AMPD3: variants seen among roughly 807,000 people sequenced by gnomAD.
AMPD3 encodes the protein AMP deaminase 3.
In AMPD3, 57 loss-of-function variants were observed where a neutral mutation model predicts 82.3. The observed-to-expected ratio is 0.69, with a 90% CI of 0.56 to 0.86. The LOEUF (loss-of-function observed/expected upper bound fraction) is 0.86, where lower values mean the gene tolerates loss of function less well. Ranked by LOEUF, AMPD3 falls within the 40% of genes least tolerant of loss-of-function variation. The pLI is 0.00. For missense variants in AMPD3, 870 were observed against 1,003.8 expected, an observed-to-expected ratio of 0.87 and a Z score of 1.80; for synonymous variants, 381 against 394.7, an observed-to-expected ratio of 0.97 and a Z score of 0.41.
At chr11:10,486,966 A>G in intron 5 of AMPD3, 2 of 985,394 alleles carry the variant, frequency 2.0e-6, no homozygotes, top group East Asian at 1.1e-4. Context: ...TTAATTCCCT[A>G]AACACATAAA....
intron 11 of AMPD3, chr11:10,501,012 C>T: frequency 1.0e-6 from 1 of 985,406 alleles, no homozygotes; most frequent in African/African-American, 1.7e-5. Context: ...CAGTCCTGGG[C>T]TGAGCTTTTG....
At chr11:10,488,477 AGAGAGT>A in intron 6 of AMPD3, 3 of 878,702 alleles carry the variant, frequency 3.4e-6, no homozygotes, top group Non-Finnish European at 3.9e-6. Flanking sequence ...GAGAGAGTCG[AGAGAGT>A]CAGAACAGTG....
Position 10,461,583 on chromosome 11 carries a change from G to C in AMPD3, c.64G>C (p.Glu22Gln), listed in dbSNP as rs1467164791. 1 of 1,614,128 alleles carries C rather than the reference G, an allele frequency of 6.2e-7. No individual in the cohort carries two copies. Reference sequence around the variant, plus strand: ...GGATGAGCAAGTCCGGCTCCTGGCGGAGAAGGTGTTTGCTAAAGTGCTCCG... The same window carrying C: ...GGATGAGCAAGTCCGGCTCCTGGCGCAGAAGGTGTTTGCTAAAGTGCTCCG... Reference protein sequence around the residue: ...EVDEQVRLLAEKVFAKVLREE... With the variant: ...EVDEQVRLLAQKVFAKVLREE... Residue 22 changes from glutamate (E) to glutamine (Q), a missense_variant, in exon 2 of 15, where the codon GAG becomes CAG. Transcript: ENST00000396553.
chr11:10,498,605 G>A (rs1849489115), intron 10 of AMPD3, among the ~76,000 whole-genome samples: 1 of 152,202 alleles, frequency 6.6e-6, no homozygotes. Flanking sequence ...TCATAGCAGG[G>A]ACCCTGTCAT....
At chr11:10,462,162 A>G (rs1848290387) in intron 2 of AMPD3, among the ~76,000 whole-genome samples, 1 of 152,214 alleles carries the variant, frequency 6.6e-6, no homozygotes, top group African/African-American at 2.4e-5. Flanking sequence ...CCCTGGGTCT[A>G]GACAATAATT....
In AMPD3 at chr11:10,506,592, AG is replaced by A. The variant is rs1479903601; in HGVS notation, c.*709del. ...TACTTTAGGGTAGGGGAGGGAAGGG[AG>A]TGAGTGATGCTCAGGGGCTGTCAAA... On this transcript the variant is annotated 3_prime_UTR_variant, in exon 15 of 15. Coordinates refer to ENST00000396553, the MANE Select transcript of AMPD3 (RefSeq NM_001025389.2). The surrounding 1 kb of genome is among the most constrained non-coding windows in gnomAD (Gnocchi z 4.1). 4 of 153,438 alleles carry A rather than the reference AG, an allele frequency of 2.6e-5. No individual in the cohort carries two copies. Among genetic ancestry groups the A allele is most frequent in the Non-Finnish European group, 4.4e-5 (3 of 68,678 alleles). The allele number at this position is 153,438 out of a possible 1,614,324, so 9.5% of individuals were successfully genotyped here.
chr11:10,501,778 T>A, intron 12 of AMPD3, 188 bp downstream of exon 12: 3 of 985,128 alleles, frequency 3.0e-6, no homozygotes, highest in Non-Finnish European at 3.6e-6. Context: ...TTCCAAAAAC[T>A]GGAGAAATGG....
chr11:10,469,146 G>A (rs1848507844), intron 2 of AMPD3, among the ~76,000 whole-genome samples: 1 of 151,258 alleles, frequency 6.6e-6, no homozygotes, highest in African/African-American at 2.4e-5. Flanking sequence ...TAAGATCAGA[G>A]CAGAACCGAA....
upstream of AMPD3, among the ~76,000 whole-genome samples, chr11:10,453,010 C>T (rs1003996531): frequency 2.0e-5 from 3 of 152,030 alleles, no homozygotes; most frequent in African/African-American, 7.3e-5. Context: ...AGTGCAGTGG[C>T]ACAATCTCAG....
intron 3 of AMPD3, among the ~76,000 whole-genome samples, chr11:10,480,925 G>A (rs550118308): frequency 1.3e-5 from 2 of 152,220 alleles, no homozygotes; most frequent in South Asian, 4.1e-4. Flanking sequence ...ATATTTCTGC[G>A]ATTCCCATCC....
chr11:10,499,978 G>A, intron 10 of AMPD3, 108 bp from the exon 11 acceptor site: 4 of 1,553,282 alleles, frequency 2.6e-6, no homozygotes, highest in South Asian at 1.2e-5. Context: ...GTGTGAACCT[G>A]AGGGGCCCAG....
At chr11:10,497,767 G>A (rs760840465) in intron 10 of AMPD3, 4 of 985,240 alleles carry the variant, frequency 4.1e-6, no homozygotes, top group African/African-American at 1.7e-5. Context: ...CCTGGAGACA[G>A]GAGGGGAGCT....
rs1848819942 is a variant in AMPD3, at chr11:10,478,847, G to A, written c.426+117G>A. The A allele has an allele frequency of 2.6e-6, 3 of 1,174,708 alleles. No individual in the cohort carries two copies. In the South Asian group the frequency reaches 3.8e-5, roughly 15 times the overall value. 72.8% of individuals were successfully genotyped at this position (1,174,708 alleles called of 1,614,324 possible). On this transcript the variant is annotated intron_variant, in intron 3 of 14. Coordinates refer to ENST00000396553, the MANE Select transcript of AMPD3 (RefSeq NM_001025389.2). Reference sequence around the variant, plus strand: ...CCCTGTCCGTGGATGTCTGGGAGAAGGTGAAGAGGAGGCACAGGAGACAAG... The same window carrying A: ...CCCTGTCCGTGGATGTCTGGGAGAAAGTGAAGAGGAGGCACAGGAGACAAG...
At chr11:10,460,435 C>T (rs1447647800) in intron 1 of AMPD3, among the ~76,000 whole-genome samples, 2 of 149,370 alleles carry the variant, frequency 1.3e-5, no homozygotes, top group African/African-American at 4.9e-5. Context: ...GAGGCAGAGT[C>T]CCACTCTGTT....
In AMPD3 at chr11:10,478,529, G is replaced by A. The variant is rs751119921; in HGVS notation, c.225G>A (p.Lys75=). 2 of 1,614,054 alleles carry A rather than the reference G, an allele frequency of 1.2e-6. No homozygotes were observed. The highest frequency in any genetic ancestry group is 8.5e-7 in the Non-Finnish European group (1 of 1,180,038). ...TTTCCTTGTCCTTGGCTCTTAGAAA[G>A]AAAAGTTTCAAGATGATTCGGTCCC... The part of the protein sequence containing the change: ...EQKSVETAKR[K]KSFKMIRSQS... Residue 75 remains lysine (K), a synonymous_variant, in exon 3 of 15, where the codon AAG becomes AAA. Transcript: ENST00000396553.
intron 2 of AMPD3, among the ~76,000 whole-genome samples, chr11:10,469,310 G>A (rs1208961853): frequency 6.6e-6 from 1 of 151,782 alleles, no homozygotes; most frequent in Non-Finnish European, 1.5e-5. Flanking sequence ...ATAATAAACG[G>A]GGTATCACCA....
chr11:10,497,655 T>A, intron 10 of AMPD3: 1 of 985,312 alleles, frequency 1.0e-6, no homozygotes, highest in Non-Finnish European at 1.2e-6. Flanking sequence ...AGGGACATCA[T>A]CAAATTTATG....
chr11:10,479,389 A>G (rs1848837766), intron 3 of AMPD3, among the ~76,000 whole-genome samples: 1 of 152,188 alleles, frequency 6.6e-6, no homozygotes, highest in Admixed American at 6.5e-5. Flanking sequence ...CTCACTACTT[A>G]ACGCCTCAGT....
chr11:10,483,757 A>ACATGTG (rs1848984151), intron 4 of AMPD3, among the ~76,000 whole-genome samples: 2 of 152,174 alleles, frequency 1.3e-5, no homozygotes, highest in Non-Finnish European at 1.5e-5. Flanking sequence ...GTGGCTCCTC[A>ACATGTG]CATGTGCTCT....
Sources: gnomAD v4.1 joint callset for allele counts (sites outside exome capture counted in the v4.1 genomes callset) on GRCh38, gnomAD v4.1.1 for gene constraint, Gnocchi (gnomAD v3.1) non-coding constraint, MANE v1.5 for transcripts, NCBI Gene and HGNC (gene_info 2026-07-23, HGNC 2026-07-21) for gene names.